MMEL1: variants seen among roughly 807,000 people sequenced by gnomAD.
MMEL1 encodes the protein membrane metalloendopeptidase like 1.
MMEL1 carries 98 observed loss-of-function variants against 117.1 expected under a neutral mutation model. The ratio of observed to expected loss-of-function variants is 0.84; its 90% CI spans 0.71 to 0.99. The LOEUF (loss-of-function observed/expected upper bound fraction) is 0.99, where lower values mean the gene tolerates loss of function less well. Among genes scored for constraint, MMEL1 ranks in the 50% least tolerant of loss-of-function variants. MMEL1 has a pLI of 0.00. For missense variants in MMEL1, 1,014 were observed against 1,049.1 expected (o/e 0.97, Z 0.46); for synonymous variants, 390 against 415.1 (o/e 0.94, Z 0.74).
chr1:2,628,804 C>T (rs951222821), intron 2 of MMEL1, among the ~76,000 whole-genome samples: 68 of 152,282 alleles, frequency 4.5e-4, no homozygotes, highest in Admixed American at 8.5e-4. Flanking sequence ...TGGCCCCTTC[C>T]CGCCGTGGTC....
In MMEL1 at chr1:2,609,695, G is replaced by A. The variant is rs139093340; in HGVS notation, c.429C>T (p.Arg143=). The A allele has an allele frequency of 2.5e-5, 40 of 1,612,346 alleles. No individual in the cohort carries two copies. Among genetic ancestry groups the A allele is most frequent in the South Asian group, 4.4e-5 (4 of 90,898 alleles). The change falls in exon 5 of 24, where the codon CGC becomes CGT. Residue 143 remains arginine (R), a synonymous_variant. Transcript: ENST00000378412. ...CTTTGAGGATGACCTCCAGCTCGTCGCGGAGGACGTCAAAGATGCTGTATC... is the reference window on the plus strand; with the variant it reads ...CTTTGAGGATGACCTCCAGCTCGTCACGGAGGACGTCAAAGATGCTGTATC... ...NSRYSIFDVL[R]DELEVILKAV...
At chr1:2,625,897 C>T (rs367946241) in intron 2 of MMEL1, among the ~76,000 whole-genome samples, 7 of 152,070 alleles carry the variant, frequency 4.6e-5, no homozygotes, top group Middle Eastern at 3.4e-3. Flanking sequence ...CAGCCTGCAC[C>T]GATAGCCTCA....
intron 21 of MMEL1, 70 bp from the exon 22 acceptor site, chr1:2,592,097 C>A: frequency 1.5e-6 from 2 of 1,336,836 alleles, no homozygotes; most frequent in Non-Finnish European, 2.1e-6. Flanking sequence ...GATCTCAGGG[C>A]AGAGCAGAGG....
chr1:2,594,515 T>C, intron 17 of MMEL1, 72 bp from the exon 18 acceptor site: 2 of 1,506,758 alleles, frequency 1.3e-6, no homozygotes, highest in Non-Finnish European at 1.8e-6. Context: ...TCTGCCTTGA[T>C]GGACCAGGGC....
At chr1:2,608,445 A>G (rs1368793587) in intron 6 of MMEL1, among the ~76,000 whole-genome samples, 1 of 152,080 alleles carries the variant, frequency 6.6e-6, no homozygotes, top group Non-Finnish European at 1.5e-5. Context: ...ATCCACATAC[A>G]TCCACATGCA....
intron 2 of MMEL1, among the ~76,000 whole-genome samples, chr1:2,618,713 A>G (rs1018174881): frequency 5.9e-5 from 9 of 152,248 alleles, no homozygotes; most frequent in Non-Finnish European, 4.4e-5. Flanking sequence ...GAAAACAAAT[A>G]CATATTCTCC....
chr1:2,614,053 T>C (rs973621372), intron 2 of MMEL1, among the ~76,000 whole-genome samples: 1 of 152,096 alleles, frequency 6.6e-6, no homozygotes, highest in Admixed American at 6.6e-5. Context: ...AAATGACAAA[T>C]AGTGAATGCA....
intron 13 of MMEL1, 51 bp downstream of exon 13, chr1:2,598,143 TGCTCAGCATCGTG>T: frequency 1.4e-6 from 2 of 1,426,204 alleles, no homozygotes; most frequent in Admixed American, 3.5e-5. Context: ...CTACAGCTTA[TGCTCAGCATCGTG>T]GCCTGAATGA....
In MMEL1 at chr1:2,591,570, G is replaced by T; in HGVS notation, c.2227C>A (p.Pro743Thr). The T allele has an allele frequency of 1.9e-6, 3 of 1,613,796 alleles. No individual in the cohort carries two copies. Among genetic ancestry groups the T allele is most frequent in the Non-Finnish European group, 1.7e-6 (2 of 1,179,870 alleles). ...IQSIKTDVHSPLKYRVLGSLQ... is the reference protein window; with the variant it reads ...IQSIKTDVHSTLKYRVLGSLQ... ...TGGGAGACTTGCCTGTACTTCAGGG[G>T]ACTGTGGACGTCTGTCTTGATGGAT... The change falls in exon 23 of 24, where the codon CCC becomes ACC. Residue 743 changes from proline (P) to threonine (T), a missense_variant. By Grantham distance (38) the Pro-to-Thr change is conservative. Transcript: ENST00000378412.
intron 21 of MMEL1, 35 bp from the exon 22 acceptor site, chr1:2,592,062 G>C: frequency 5.7e-6 from 9 of 1,566,500 alleles, no homozygotes; most frequent in Non-Finnish European, 7.9e-6. Flanking sequence ...GCTCAGGCCT[G>C]CCAGCCTGGA....
chr1:2,630,548 CTCA>C (rs1638501164), intron 1 of MMEL1, among the ~76,000 whole-genome samples: 2 of 138,324 alleles, frequency 1.4e-5, no homozygotes, highest in South Asian at 2.3e-4. Context: ...ACTGTCTACG[CTCA>C]TGTGTGCATG....
chr1:2,594,306 G>T, intron 18 of MMEL1, 79 bp downstream of exon 18: 4 of 1,430,182 alleles, frequency 2.8e-6, no homozygotes, highest in South Asian at 2.4e-5. Context: ...AGGAGGAAGG[G>T]ATGGGCAGGG....
intron 6 of MMEL1, among the ~76,000 whole-genome samples, chr1:2,609,078 CACAG>C (rs1447896622): frequency 2.9e-5 from 4 of 137,050 alleles, no homozygotes; most frequent in African/African-American, 1.1e-4. Flanking sequence ...CACACACACA[CACAG>C]TCTTCCTGCA....
At chr1:2,630,555 G>A (rs1638501814) in intron 1 of MMEL1, among the ~76,000 whole-genome samples, 1 of 148,600 alleles carries the variant, frequency 6.7e-6, no homozygotes, top group East Asian at 2.1e-4. Context: ...ACGCTCATGT[G>A]TGCATGTGTG....
intron 14 of MMEL1, 50 bp from the exon 15 acceptor site, chr1:2,596,157 T>G: frequency 6.5e-7 from 1 of 1,538,644 alleles, no homozygotes; most frequent in Non-Finnish European, 9.0e-7. Context: ...GGAGGGCGAA[T>G]GACCAGCCTC....
chr1:2,593,749 C>T, intron 19 of MMEL1, 65 bp downstream of exon 19: 1 of 1,508,266 alleles, frequency 6.6e-7, no homozygotes, highest in Non-Finnish European at 8.9e-7. Context: ...CGCCCCCAGG[C>T]CCCTTCCTGG....
At chr1:2,591,786 G>C (rs1391096304) in intron 22 of MMEL1, 146 bp downstream of exon 22, 1 of 1,050,878 alleles carries the variant, frequency 9.5e-7, no homozygotes, top group Non-Finnish European at 1.5e-6. Context: ...TTGAAATCCT[G>C]TCCAGCTCCC....
chr1:2,603,815 G>T, intron 11 of MMEL1, 69 bp downstream of exon 11: 1 of 1,438,336 alleles, frequency 7.0e-7, no homozygotes, highest in Non-Finnish European at 9.6e-7. Context: ...CCCTCTCAGA[G>T]GGCCGCTTCC....
At chr1:2,603,857 C>T in intron 11 of MMEL1, 27 bp downstream of exon 11, 1 of 1,607,586 alleles carries the variant, frequency 6.2e-7, no homozygotes, top group Non-Finnish European at 8.5e-7. Flanking sequence ...CCGGCCAGTG[C>T]CGGCCTCCTG....
Sources: gnomAD v4.1 joint callset for allele counts (sites outside exome capture counted in the v4.1 genomes callset) on GRCh38, gnomAD v4.1.1 for gene constraint, MANE v1.5 for transcripts, NCBI Gene and HGNC (gene_info 2026-07-23, HGNC 2026-07-21) for gene names.